The following EYA2 variants were observed in gnomAD, a reference collection of about 807,000 sequenced individuals.
EYA2 encodes EYA transcriptional coactivator and phosphatase 2.
A neutral mutation model predicts 69.2 loss-of-function variants in EYA2; 31 were observed. The ratio of observed to expected loss-of-function variants is 0.45; its 90% CI spans 0.34 to 0.60. The LOEUF is 0.60. Ranked by LOEUF, EYA2 falls within the 20% of genes least tolerant of loss-of-function variation. EYA2 has a pLI of 0.02. For missense variants in EYA2, 622 were observed against 701.2 expected (o/e 0.89, Z 1.28); for synonymous variants, 257 against 279.4 (o/e 0.92, Z 0.80).
At chr20:46,995,451 C>T (rs932395461) in intron 2 of EYA2, among the ~76,000 whole-genome samples, 23 of 152,186 alleles carry the variant, frequency 1.5e-4, no homozygotes, top group Admixed American at 1.3e-3. Flanking sequence ...AGGGCTTGCT[C>T]ATGGTCACAG....
At chr20:47,085,337 T>C (rs1241007656) in intron 7 of EYA2, among the ~76,000 whole-genome samples, 1 of 152,028 alleles carries the variant, frequency 6.6e-6, no homozygotes, top group African/African-American at 2.4e-5. Flanking sequence ...TACAATTGAA[T>C]AGTACTCAGC....
chr20:46,999,462 A>G (rs1348971687), intron 2 of EYA2, among the ~76,000 whole-genome samples: 1 of 152,184 alleles, frequency 6.6e-6, no homozygotes, highest in Non-Finnish European at 1.5e-5. Flanking sequence ...CTTTTCTTTG[A>G]ATGTGATACA....
chr20:47,119,384 C>T (rs1284034168), intron 9 of EYA2, among the ~76,000 whole-genome samples: 1 of 152,164 alleles, frequency 6.6e-6, no homozygotes, highest in Non-Finnish European at 1.5e-5. Flanking sequence ...GGATGTCTCC[C>T]AGTGGGGCCT....
chr20:46,939,302 T>C (rs1485355142), intron 1 of EYA2, among the ~76,000 whole-genome samples: 1 of 152,124 alleles, frequency 6.6e-6, no homozygotes, highest in Non-Finnish European at 1.5e-5. Context: ...TAGGGTCAGA[T>C]TAAAGACACT....
At chr20:46,939,790 T>G (rs968019436) in intron 1 of EYA2, among the ~76,000 whole-genome samples, 5 of 152,230 alleles carry the variant, frequency 3.3e-5, no homozygotes, top group African/African-American at 1.2e-4. Context: ...ATAACGGGTT[T>G]GCTCATCCAT....
At chr20:46,981,007 G>C (rs1980799384) in intron 1 of EYA2, among the ~76,000 whole-genome samples, 1 of 152,102 alleles carries the variant, frequency 6.6e-6, no homozygotes, top group Non-Finnish European at 1.5e-5. Context: ...TCCATCAATT[G>C]GTGGAGTGCG....
In EYA2 at chr20:46,985,031, T is replaced by C. The variant is rs886627196; in HGVS notation, c.-10-4970T>C. 6.6e-5 allele frequency among the ~76,000 whole-genome samples: 10 copies of C among 152,230 alleles called. No homozygotes were observed. The East Asian group carries it at 1.9e-3, about 29-fold the overall frequency. ...GTGAGATATTGTGCACATTATTCAT[T>C]AAATTAAAACACATGCCACACATAA... On this transcript the variant is annotated intron_variant, in intron 1 of 15. Coordinates refer to ENST00000327619, the MANE Select transcript of EYA2 (RefSeq NM_005244.5).
At chr20:47,036,615 G>A (rs1344004584) in intron 5 of EYA2, among the ~76,000 whole-genome samples, 1 of 152,204 alleles carries the variant, frequency 6.6e-6, no homozygotes, top group Non-Finnish European at 1.5e-5. Flanking sequence ...GCATATAAGA[G>A]CATGTATTTT....
At chr20:47,085,297 C>G (rs562105822) in intron 7 of EYA2, among the ~76,000 whole-genome samples, 2 of 152,022 alleles carry the variant, frequency 1.3e-5, no homozygotes, top group Admixed American at 1.3e-4. Flanking sequence ...TACCTACAGG[C>G]GAATGGATAA....
At chr20:46,921,930 C>T (rs1985198251) in intron 1 of EYA2, among the ~76,000 whole-genome samples, 1 of 152,080 alleles carries the variant, frequency 6.6e-6, no homozygotes, top group Non-Finnish European at 1.5e-5. Context: ...ACTAAGTTGC[C>T]CTGCTTCCTC....
At chr20:47,180,970 G>T (rs2034526642) in intron 14 of EYA2, 34 bp downstream of exon 14, 1 of 1,602,846 alleles carries the variant, frequency 6.2e-7, no homozygotes. Context: ...GGGGATACAG[G>T]GTTGGAGGGT....
At chr20:47,127,596 G>A (rs948068894) in intron 9 of EYA2, among the ~76,000 whole-genome samples, 1 of 152,214 alleles carries the variant, frequency 6.6e-6, no homozygotes, top group Non-Finnish European at 1.5e-5. Flanking sequence ...AGAGCACAAA[G>A]CAGATTAACT....
intron 5 of EYA2, among the ~76,000 whole-genome samples, chr20:47,049,117 A>G (rs1450250541): frequency 6.6e-6 from 1 of 152,220 alleles, no homozygotes; most frequent in Non-Finnish European, 1.5e-5. Flanking sequence ...AAACTCAGTC[A>G]GTCCCTATTC....
intron 5 of EYA2, among the ~76,000 whole-genome samples, chr20:47,046,967 TG>T (rs1165924212): frequency 6.6e-6 from 1 of 152,216 alleles, no homozygotes; most frequent in Non-Finnish European, 1.5e-5. Context: ...ATTGTCAGGC[TG>T]GGGTATGATA....
chr20:46,990,962 T>A (rs1981620780), intron 2 of EYA2, among the ~76,000 whole-genome samples: 1 of 152,242 alleles, frequency 6.6e-6, no homozygotes, highest in South Asian at 2.1e-4. Flanking sequence ...GAGTAATTAT[T>A]GCTGTCAGCA....
At chr20:46,939,404 G>A (rs1362979900) in intron 1 of EYA2, among the ~76,000 whole-genome samples, 2 of 152,138 alleles carry the variant, frequency 1.3e-5, no homozygotes, top group Non-Finnish European at 2.9e-5. Context: ...GAGATGGGGG[G>A]AGGGGAGACA....
At chr20:47,167,764 G>A (rs765603384) in intron 10 of EYA2, among the ~76,000 whole-genome samples, 9 of 152,184 alleles carry the variant, frequency 5.9e-5, no homozygotes, top group Non-Finnish European at 1.2e-4. Context: ...GACAGCCAAG[G>A]AAAAACTTCC....
Position 47,126,776 on chromosome 20 carries a change from G to A in EYA2, c.889-16283G>A, listed in dbSNP as rs1298506734. Reference sequence around the variant, plus strand: ...TCTTGTCCCTCAGAGGACATTTGGTGACGTCTGGAGACATTTTTGACTGTC... The same window carrying A: ...TCTTGTCCCTCAGAGGACATTTGGTAACGTCTGGAGACATTTTTGACTGTC... On this transcript the variant is annotated intron_variant, in intron 9 of 15. Transcript: ENST00000327619. Among the ~76,000 whole-genome samples the A allele has an allele frequency of 3.9e-5, 6 of 152,218 alleles. No homozygotes were observed. The East Asian group carries it at 1.2e-3, about 29-fold the overall frequency.
chr20:46,953,291 C>T (rs1031988483), intron 1 of EYA2, among the ~76,000 whole-genome samples: 1 of 152,102 alleles, frequency 6.6e-6, no homozygotes, highest in African/African-American at 2.4e-5. Context: ...TTGAGAACTC[C>T]GCGGGTTAAC....
Sources: gnomAD v4.1 joint callset for allele counts (sites outside exome capture counted in the v4.1 genomes callset) on GRCh38, gnomAD v4.1.1 for gene constraint, MANE v1.5 for transcripts, NCBI Gene and HGNC (gene_info 2026-07-23, HGNC 2026-07-21) for gene names.